CDH20: variants seen among roughly 807,000 people sequenced by gnomAD.
CDH20 encodes cadherin-20.
CDH20 carries 29 observed loss-of-function variants against 74.2 expected under a neutral mutation model. That is an observed-to-expected ratio of 0.39 (90% CI 0.29 to 0.53). The LOEUF (loss-of-function observed/expected upper bound fraction) is 0.53. CDH20 is among the 20% of genes least tolerant of loss of function. The pLI is 0.69. For synonymous variants in CDH20, 469 were observed against 405.4 expected (o/e 1.16, Z -1.88); for missense variants, 988 against 1,048.3 (o/e 0.94, Z 0.79).
At chr18:61,364,853 A>G (rs903988669) in intron 1 of CDH20, among the ~76,000 whole-genome samples, 1 of 152,200 alleles carries the variant, frequency 6.6e-6, no homozygotes, top group African/African-American at 2.4e-5. Context: ...TCAGAGCAAC[A>G]CCAGTGGACT....
rs185531437 is a variant in CDH20 at position 61,350,650 on chromosome 18, A to T, written c.-153+16823A>T. 3.9e-5 allele frequency among the ~76,000 whole-genome samples: 6 copies of T among 152,336 alleles called. No individual in the cohort carries two copies. In the East Asian group the frequency reaches 1.2e-3, roughly 29 times the overall value. On this transcript the variant is annotated intron_variant, in intron 1 of 11. Transcript: ENST00000262717. ...TACTCTAAGAAAAACACCAAGTCTCAGTGGCTTCACACCATAGTCGTCTAT... is the reference window on the plus strand; with the variant it reads ...TACTCTAAGAAAAACACCAAGTCTCTGTGGCTTCACACCATAGTCGTCTAT...
chr18:61,340,982 A>G (rs1321301498), intron 1 of CDH20, among the ~76,000 whole-genome samples: 2 of 152,232 alleles, frequency 1.3e-5, no homozygotes, highest in Non-Finnish European at 2.9e-5. Context: ...GCATCAAAGG[A>G]TATCTTTTCC....
At chr18:61,434,779 A>G (rs1255246440) in intron 1 of CDH20, among the ~76,000 whole-genome samples, 1 of 152,208 alleles carries the variant, frequency 6.6e-6, no homozygotes, top group East Asian at 1.9e-4. Flanking sequence ...GATGATTAGT[A>G]TTAATATAAC....
intron 1 of CDH20, among the ~76,000 whole-genome samples, chr18:61,463,894 T>C (rs1252407504): frequency 6.6e-6 from 1 of 152,096 alleles, no homozygotes; most frequent in East Asian, 1.9e-4. Flanking sequence ...GAAAAGAGAA[T>C]TCTGCATCTT....
At chr18:61,385,068 G>A (rs1413398322) in intron 1 of CDH20, among the ~76,000 whole-genome samples, 2 of 152,020 alleles carry the variant, frequency 1.3e-5, no homozygotes, top group Admixed American at 6.6e-5. Flanking sequence ...GTTTAGAAAC[G>A]CTAAAGAACA....
At chr18:61,550,853 A>T (rs1446281190) in intron 11 of CDH20, among the ~76,000 whole-genome samples, 1 of 152,238 alleles carries the variant, frequency 6.6e-6, no homozygotes, top group Non-Finnish European at 1.5e-5. Context: ...CAGGGTAGTC[A>T]GGGAATCCCT....
At chr18:61,378,451 C>A (rs1360818144) in intron 1 of CDH20, among the ~76,000 whole-genome samples, 1 of 152,162 alleles carries the variant, frequency 6.6e-6, no homozygotes, top group Non-Finnish European at 1.5e-5. Context: ...CCTTTTTATT[C>A]TATTCAGGCA....
intron 11 of CDH20, among the ~76,000 whole-genome samples, chr18:61,552,466 T>C (rs966917704): frequency 3.3e-5 from 5 of 152,094 alleles, no homozygotes; most frequent in African/African-American, 9.7e-5. Flanking sequence ...ATAAACGGCC[T>C]AATTCTCCAT....
chr18:61,439,626 C>G (rs1057273700), intron 1 of CDH20, among the ~76,000 whole-genome samples: 1 of 152,102 alleles, frequency 6.6e-6, no homozygotes, highest in Admixed American at 6.6e-5. Context: ...GACTAAAAAT[C>G]ATTTTATAAT....
At chr18:61,550,353 G>A (rs192448386) in intron 11 of CDH20, 124 bp downstream of exon 11, 1 of 1,179,140 alleles carries the variant, frequency 8.5e-7, no homozygotes, top group East Asian at 2.4e-5. Flanking sequence ...TCAAAAGGTG[G>A]TAGAGTGAGG....
At chr18:61,530,521 A>G (rs186820424) in intron 7 of CDH20, among the ~76,000 whole-genome samples, 93 of 152,356 alleles carry the variant, frequency 6.1e-4, no homozygotes, top group African/African-American at 2.1e-3. Context: ...CAAAAAATCA[A>G]CACATCACCG....
At chr18:61,394,050 T>G (rs1180027035) in intron 1 of CDH20, among the ~76,000 whole-genome samples, 1 of 152,190 alleles carries the variant, frequency 6.6e-6, no homozygotes, top group Non-Finnish European at 1.5e-5. Flanking sequence ...GACTTGTGTT[T>G]TAGGCATCTG....
At chr18:61,385,247 A>T (rs1264576903) in intron 1 of CDH20, among the ~76,000 whole-genome samples, 49 of 152,206 alleles carry the variant, frequency 3.2e-4, no homozygotes, top group Admixed American at 3.2e-3. Flanking sequence ...TATGCTTACT[A>T]TCACCATGAT....
intron 1 of CDH20, among the ~76,000 whole-genome samples, chr18:61,375,120 T>C (rs181915762): frequency 6.6e-6 from 1 of 152,254 alleles, no homozygotes; most frequent in East Asian, 1.9e-4. Flanking sequence ...AAGGGACATG[T>C]CTCATTGAGC....
At chr18:61,493,131 T>TG (rs1911018288) in intron 2 of CDH20, among the ~76,000 whole-genome samples, 1 of 152,222 alleles carries the variant, frequency 6.6e-6, no homozygotes, top group South Asian at 2.1e-4. Context: ...GCAAATCCCT[T>TG]GGCCTCAAAA....
intron 1 of CDH20, among the ~76,000 whole-genome samples, chr18:61,411,188 ACT>A (rs1389391338): frequency 1.0e-5 from 1 of 99,434 alleles, no homozygotes; most frequent in Non-Finnish European, 2.1e-5. Flanking sequence ...ACAGAGCAAG[ACT>A]CTGTCTGAAA....
intron 11 of CDH20, 85 bp from the exon 12 acceptor site, chr18:61,554,105 C>A (rs1913532398): frequency 2.0e-6 from 3 of 1,497,724 alleles, no homozygotes; most frequent in East Asian, 4.6e-5. Context: ...CTTCCCCTAT[C>A]CGTGGTGAAT....
chr18:61,362,537 T>C (rs1189330572), intron 1 of CDH20, among the ~76,000 whole-genome samples: 1 of 152,090 alleles, frequency 6.6e-6, no homozygotes, highest in African/African-American at 2.4e-5. Flanking sequence ...TGGGGACAGA[T>C]AATAAATATA....
Position 61,550,787 on chromosome 18 carries a change from G to C in CDH20, c.1900+558G>C, listed in dbSNP as rs143515233. Reference sequence around the variant, plus strand: ...TTCTGGAGGTGGTATTACAGGAAGGGAAGAGGGATAAGGTATCCTGGTTGG... The same window carrying C: ...TTCTGGAGGTGGTATTACAGGAAGGCAAGAGGGATAAGGTATCCTGGTTGG... On this transcript the variant is annotated intron_variant, in intron 11 of 11. Coordinates refer to ENST00000262717, the MANE Select transcript of CDH20 (RefSeq NM_031891.4). Among the ~76,000 whole-genome samples the C allele has an allele frequency of 4.8e-4, 73 of 152,318 alleles. 1 individual carries two copies. The Middle Eastern group carries it at 0.01, about 21-fold the overall frequency.
Sources: gnomAD v4.1 joint callset for allele counts (sites outside exome capture counted in the v4.1 genomes callset) on GRCh38, gnomAD v4.1.1 for gene constraint, MANE v1.5 for transcripts, NCBI Gene and HGNC (gene_info 2026-07-23, HGNC 2026-07-21) for gene names.